The following PARP8 variants were observed in gnomAD, a reference collection of about 807,000 sequenced individuals.
PARP8 encodes the protein protein mono-ADP-ribosyltransferase PARP8.
In PARP8, 51 loss-of-function variants were observed where a neutral mutation model predicts 124.1. The ratio of observed to expected loss-of-function variants is 0.41; its 90% CI spans 0.33 to 0.52. PARP8 has a LOEUF of 0.52. PARP8 is among the 20% of genes least tolerant of loss of function. The pLI is 0.21. For synonymous variants in PARP8, 391 were observed against 361.5 expected (o/e 1.08, Z -0.93); for missense variants, 860 against 1,018.9 (o/e 0.84, Z 2.12).
chr5:50,679,691 G>A (rs1208280684), intron 2 of PARP8, among the ~76,000 whole-genome samples: 2 of 152,148 alleles, frequency 1.3e-5, no homozygotes, highest in Non-Finnish European at 2.9e-5. Flanking sequence ...GTGATGCAGA[G>A]GTGACACTAG....
chr5:50,786,521 T>C (rs912805974), intron 9 of PARP8, among the ~76,000 whole-genome samples: 3 of 151,412 alleles, frequency 2.0e-5, no homozygotes, highest in Admixed American at 6.6e-5. Context: ...TATGCCACCA[T>C]GCCTGGCTAA....
At chr5:50,757,630 G>A (rs755429414) in intron 3 of PARP8, among the ~76,000 whole-genome samples, 1 of 152,058 alleles carries the variant, frequency 6.6e-6, no homozygotes, top group Non-Finnish European at 1.5e-5. Context: ...TACGTTTGAA[G>A]GCATAATGCT....
At chr5:50,745,851 C>T (rs566206399) in intron 2 of PARP8, among the ~76,000 whole-genome samples, 9 of 152,248 alleles carry the variant, frequency 5.9e-5, no homozygotes, top group Middle Eastern at 3.4e-3. Flanking sequence ...GAATGGATCA[C>T]GGGAAAATGA....
intron 2 of PARP8, chr5:50,668,476 A>T (rs1010471952): frequency 5.2e-6 from 1 of 192,840 alleles, no homozygotes; most frequent in Non-Finnish European, 1.1e-5. Context: ...AAAGACATAA[A>T]ATGTCACAAA....
rs771599487 is a variant in PARP8 at position 50,759,716 on chromosome 5, T to G, written c.258T>G (p.Phe86Leu). ...CTACAGAGCCAATACCAGTAATTTT[T>G]CATAGAATAGCAACAGGTAATAGTA... ...LVTTEPIPVIFHRIATELRKT... is the reference protein window; with the variant it reads ...LVTTEPIPVILHRIATELRKT... Residue 86 changes from phenylalanine (F) to leucine (L), a missense_variant, in exon 4 of 26, where the codon TTT (phenylalanine) becomes TTG (leucine). Phe to Leu is a conservative substitution (Grantham distance 22). Coordinates refer to ENST00000281631, the MANE Select transcript of PARP8 (RefSeq NM_024615.4). 6.3e-7 allele frequency: 1 copy of G among 1,584,106 alleles called. No individual in the cohort carries two copies. Among genetic ancestry groups the G allele is most frequent in the Non-Finnish European group, 8.5e-7 (1 of 1,170,252 alleles).
intron 25 of PARP8, among the ~76,000 whole-genome samples, chr5:50,836,849 T>C (rs1747642127): frequency 6.6e-6 from 1 of 152,190 alleles, no homozygotes; most frequent in South Asian, 2.1e-4. Context: ...GTTATTTCAC[T>C]GAGAAATCTT....
At chr5:50,679,266 C>T (rs1751011870) in intron 2 of PARP8, among the ~76,000 whole-genome samples, 1 of 152,062 alleles carries the variant, frequency 6.6e-6, no homozygotes, top group South Asian at 2.1e-4. Context: ...TAGAGTCTAG[C>T]GATTCTCCAG....
intron 24 of PARP8, 41 bp from the exon 25 acceptor site, chr5:50,834,890 T>A (rs1747394898): frequency 6.6e-7 from 1 of 1,526,434 alleles, no homozygotes; most frequent in African/African-American, 1.4e-5. Flanking sequence ...AGGATTCCTT[T>A]AGAATAAAGT....
chr5:50,681,726 A>T (rs1751315319), intron 2 of PARP8, among the ~76,000 whole-genome samples: 1 of 152,172 alleles, frequency 6.6e-6, no homozygotes, highest in Non-Finnish European at 1.5e-5. Flanking sequence ...AGGACTAGGT[A>T]AAAAAGCAAA....
intron 14 of PARP8, among the ~76,000 whole-genome samples, chr5:50,805,397 G>A (rs538913762): frequency 6.6e-6 from 1 of 152,002 alleles, no homozygotes; most frequent in East Asian, 1.9e-4. Flanking sequence ...TGTGGTTTAG[G>A]TACTTTTGCT....
chr5:50,810,088 A>C (rs1197957432), intron 14 of PARP8, among the ~76,000 whole-genome samples: 1 of 152,000 alleles, frequency 6.6e-6, no homozygotes. Context: ...AAAACTTCTA[A>C]AATATATCTT....
chr5:50,747,161 TTG>T (rs1217514359), intron 2 of PARP8, among the ~76,000 whole-genome samples: 9 of 137,374 alleles, frequency 6.6e-5, no homozygotes, highest in African/African-American at 1.7e-4. Context: ...TTTGTTTGTT[TTG>T]TTTTTTTTTT....
At chr5:50,774,941 G>A (rs1267196508) in intron 7 of PARP8, among the ~76,000 whole-genome samples, 10 of 149,214 alleles carry the variant, frequency 6.7e-5, no homozygotes, top group South Asian at 2.1e-4. Flanking sequence ...GGGCAGAGGC[G>A]CTCCCCACTT....
At chr5:50,739,734 T>A (rs13181006) in intron 2 of PARP8, among the ~76,000 whole-genome samples, 495 of 106,128 alleles carry the variant, frequency 4.7e-3, no homozygotes, top group African/African-American at 0.017. Context: ...ATATATATAT[T>A]TTTTTTTTTT....
At chr5:50,720,307 A>T (rs1451560921) in intron 2 of PARP8, among the ~76,000 whole-genome samples, 2 of 152,072 alleles carry the variant, frequency 1.3e-5, no homozygotes, top group Non-Finnish European at 2.9e-5. Context: ...TTAAAGCTGC[A>T]CATCACAGTT....
intron 2 of PARP8, among the ~76,000 whole-genome samples, chr5:50,734,623 CA>C (rs1292068371): frequency 1.3e-5 from 2 of 152,056 alleles, no homozygotes; most frequent in African/African-American, 2.4e-5. Context: ...ATCTAAATTG[CA>C]GATGTCTCCG....
chr5:50,704,380 A>G (rs34776244), intron 2 of PARP8, among the ~76,000 whole-genome samples: 15,684 of 152,242 alleles, frequency 0.1, 970 homozygotes, highest in East Asian at 0.19. Context: ...CCGTCTTTGA[A>G]AAACTGCTCT....
In PARP8 at chr5:50,778,477, CA is replaced by C. The variant is rs1173436002; in HGVS notation, c.580-81del. On this transcript the variant is annotated intron_variant, in intron 8 of 25. Transcript: ENST00000281631. ...TCATGTTATATGCATTTTGCGAACA[CA>C]AGTTTTAAAAGTTTGTGTGTTTTTT... is the stretch of plus-strand genomic sequence containing the variant. 7 of 1,236,628 alleles carry C rather than the reference CA, an allele frequency of 5.7e-6. No homozygotes were observed. In the Admixed American group the frequency reaches 1.4e-4, roughly 25 times the overall value. 76.6% of individuals were successfully genotyped at this position (1,236,628 alleles called of 1,614,324 possible).
intron 2 of PARP8, among the ~76,000 whole-genome samples, chr5:50,739,988 A>T (rs956439049): frequency 1.3e-5 from 2 of 151,698 alleles, no homozygotes; most frequent in Non-Finnish European, 1.5e-5. Context: ...TGACCTCATG[A>T]TCCACCCACC....
Sources: allele counts gnomAD v4.1 joint callset (sites outside exome capture counted in the v4.1 genomes callset), GRCh38; gene constraint gnomAD v4.1.1; transcripts MANE v1.5; gene names NCBI Gene and HGNC (gene_info 2026-07-23, HGNC 2026-07-21).